Variants in PDIA2 observed in about 807,000 individuals in gnomAD.
PDIA2 encodes the protein protein disulfide isomerase family A member 2.
PDIA2 carries 76 observed loss-of-function variants against 51.1 expected under a neutral mutation model. That is an observed-to-expected ratio of 1.49 (90% confidence interval 1.24 to 1.80). The LOEUF is 1.80. Among genes scored for constraint, PDIA2 ranks in the 40% most tolerant of loss-of-function variants. The pLI, the probability that PDIA2 is intolerant of heterozygous loss-of-function variation, is 0.00. For synonymous variants in PDIA2, 429 were observed against 309.9 expected, an observed-to-expected ratio of 1.38 and a Z score of -4.04; for missense variants, 946 against 706.5, an observed-to-expected ratio of 1.34 and a Z score of -3.84.
rs202228688 is a variant in PDIA2, at chr16:284,497, G to A, written c.310G>A (p.Ala104Thr). ...VVTLAKVDGP[A>T]QRELAEEFGV... ...CACGCTGGCCAAGGTGGATGGGCCCGCGCAGCGCGAGCTGGCTGAGGAGTT... is the reference window on the plus strand; with the variant it reads ...CACGCTGGCCAAGGTGGATGGGCCCACGCAGCGCGAGCTGGCTGAGGAGTT... The change falls in exon 2 of 11, where the codon GCG becomes ACG. Residue 104 changes from alanine to threonine, a missense_variant. Coordinates refer to ENST00000219406, the MANE Select transcript of PDIA2 (RefSeq NM_006849.4). 21 of 1,610,460 alleles carry A rather than the reference G, an allele frequency of 1.3e-5. No individual in the cohort carries two copies. The highest frequency in any genetic ancestry group is 1.6e-4 in the Middle Eastern group (1 of 6,078).
At chr16:286,050 A>G (rs1371728713) in intron 7 of PDIA2, among the ~76,000 whole-genome samples, 2 of 74,394 alleles carry the variant, frequency 2.7e-5, no homozygotes. Flanking sequence ...CCCAACCCCA[A>G]CCTCAACCCC....
intron 1 of PDIA2, 125 bp downstream of exon 1, chr16:283,493 C>T (rs2052313282): frequency 1.4e-5 from 14 of 1,034,840 alleles, no homozygotes; most frequent in Non-Finnish European, 1.8e-5. Context: ...AGGCACTTGC[C>T]CCCACTGTGC....
rs777288966 is a variant in PDIA2 at position 284,430 on chromosome 16, C to T, written c.243C>T (p.Tyr81=). ...CGHCQALAPE[Y]SKAAAVLAAE... is the part of the protein sequence containing the mutation. ...ACTGCCAGGCCCTGGCCCCCGAGTA[C>T]AGCAAGGCAGCTGCCGTGCTCGCGG... The change falls in exon 2 of 11, where the codon TAC becomes TAT. Residue 81 remains tyrosine, a synonymous_variant. Coordinates refer to ENST00000219406, the MANE Select transcript of PDIA2 (RefSeq NM_006849.4). 1.0e-5 allele frequency: 16 copies of T among 1,587,680 alleles called. No individual in the cohort carries two copies. The highest frequency in any genetic ancestry group is 4.6e-5 in the South Asian group (4 of 87,628).
At position 283,476 on chromosome 16, in the gene PDIA2, T is replaced by TCCCCGCAGGCACTTGCCC. The variant is rs1269697601; in HGVS notation, c.199+111_199+128dup. On this transcript the variant is annotated intron_variant, in intron 1 of 10. Coordinates refer to ENST00000219406, the MANE Select transcript of PDIA2 (RefSeq NM_006849.4). ...GCAGGGCATGTGCCCAAGAGGGGCC[T>TCCCCGCAGGCACTTGCCC]CCCCGCAGGCACTTGCCCCCACTGT... The TCCCCGCAGGCACTTGCCC allele has an allele frequency of 9.9e-6, 12 of 1,207,248 alleles. No homozygotes were observed. The African/African-American group carries it at 1.6e-4, about 16-fold the overall frequency. 74.8% of individuals were successfully genotyped at this position (1,207,248 alleles called of 1,614,324 possible).
chr16:287,029 T>A, intron 10 of PDIA2, 40 bp from the exon 11 acceptor site: 2 of 1,612,668 alleles, frequency 1.2e-6, no homozygotes, highest in Non-Finnish European at 1.7e-6. Context: ...AGGGGTAGGC[T>A]GGGAGCAGAG....
chr16:286,974 C>T (rs780948096), intron 10 of PDIA2, 29 bp downstream of exon 10: 4 of 1,609,134 alleles, frequency 2.5e-6, no homozygotes, highest in African/African-American at 1.3e-5. Context: ...GGGCTCCAGG[C>T]CTCTGCACAA....
chr16:287,019 AG>A (rs751856622), intron 10 of PDIA2, 49 bp from the exon 11 acceptor site: 2 of 1,612,452 alleles, frequency 1.2e-6, no homozygotes, highest in East Asian at 2.2e-5. Flanking sequence ...GGGCGGGGGC[AG>A]GGGTAGGCTG....
intron 7 of PDIA2, among the ~76,000 whole-genome samples, chr16:286,021 T>TAA (rs1438554711): frequency 1.7e-5 from 1 of 59,376 alleles, no homozygotes; most frequent in African/African-American, 1.1e-4. Context: ...ACCCCGCGGT[T>TAA]CTCCAACCCC....
At chr16:283,454 G>A in intron 1 of PDIA2, 86 bp downstream of exon 1, 2 of 1,381,052 alleles carry the variant, frequency 1.4e-6, no homozygotes, top group South Asian at 2.9e-5. Flanking sequence ...GGCAAATGCA[G>A]GGCATGTGCC....
intron 6 of PDIA2, 32 bp downstream of exon 6, chr16:285,469 G>GA (rs1567250225): frequency 6.2e-7 from 1 of 1,611,980 alleles, no homozygotes; most frequent in Admixed American, 1.7e-5. Flanking sequence ...GGGGCAGCGG[G>GA]AGAGTGGCCG....
intron 1 of PDIA2, among the ~76,000 whole-genome samples, chr16:283,854 G>T (rs2052317942): frequency 6.6e-6 from 1 of 152,182 alleles, no homozygotes; most frequent in African/African-American, 2.4e-5. Flanking sequence ...AGGCACGAAA[G>T]GGAGGGGTCT....
rs1316332169 is a variant in PDIA2 at position 284,387 on chromosome 16, A to G, written c.200A>G (p.Tyr67Cys). 1.2e-5 allele frequency: 18 copies of G among 1,552,480 alleles called. No individual in the cohort carries two copies. Among genetic ancestry groups the G allele is most frequent in the Non-Finnish European group, 1.5e-5 (17 of 1,155,118 alleles). The change falls in exon 2 of 11, where the codon TAT becomes TGT. Residue 67 changes from tyrosine to cysteine, a missense_variant and splice_region_variant. Transcript: ENST00000219406. Reference protein sequence around the residue: ...REHPALLVEFYAPWCGHCQAL... With the variant: ...REHPALLVEFCAPWCGHCQAL... ...GGGCACTCACGGCCCCATCCCCCAG[A>G]TGCCCCGTGGTGTGGGCACTGCCAG... is the stretch of plus-strand genomic sequence containing the variant.
chr16:284,235 G>A (rs1285192815), intron 1 of PDIA2, 152 bp from the exon 2 acceptor site: 3 of 749,496 alleles, frequency 4.0e-6, no homozygotes, highest in South Asian at 1.7e-5. Context: ...GCAGCCTGGG[G>A]GGCCACGAAG....
intron 3 of PDIA2, 42 bp downstream of exon 3, chr16:284,834 A>T: frequency 6.2e-7 from 1 of 1,603,564 alleles, no homozygotes. Context: ...GAGGGCAGTG[A>T]CTGTGGGTGG....
In PDIA2 at chr16:284,568, C is replaced by CCGCA; in HGVS notation, c.387_390dup (p.Pro131AlafsTer12). On this transcript the variant is annotated frameshift_variant, in exon 2 of 11. Transcript: ENST00000219406. LOFTEE classifies it high-confidence loss of function. Reference sequence around the variant, plus strand: ...CGCTCAAGTTCTTCCGCAATGGGAACCGCACGCACCCGGAGGAGTACACAG... The same window carrying CCGCA: ...CGCTCAAGTTCTTCCGCAATGGGAACCGCACGCACGCACCCGGAGGAGTACACAG... 1 of 1,612,592 alleles carries CCGCA rather than the reference C, an allele frequency of 6.2e-7. No homozygotes were observed. Among genetic ancestry groups the CCGCA allele is most frequent in the African/African-American group, 1.3e-5 (1 of 75,048 alleles).
chr16:285,442 TG>T lies in PDIA2; in HGVS notation c.921+11del. ...GCTCCCCGCTTCCGGGGGCAGGTAC[TG>T]GGGGGCTGGGGGAAAGGGGCAGCGG... On this transcript the variant is annotated splice_donor_region_variant and intron_variant, in intron 6 of 10. Coordinates refer to ENST00000219406, the MANE Select transcript of PDIA2 (RefSeq NM_006849.4). 8.6e-7 allele frequency: 1 copy of T among 1,156,930 alleles called. No individual in the cohort carries two copies. The highest frequency in any genetic ancestry group is 1.2e-6 in the Non-Finnish European group (1 of 831,128). The allele number at this position is 1,156,930 out of a possible 1,614,324, so 71.7% of individuals were successfully genotyped here.
chr16:284,215 T>C, intron 1 of PDIA2, 172 bp from the exon 2 acceptor site: 1 of 679,052 alleles, frequency 1.5e-6, no homozygotes, highest in Non-Finnish European at 2.6e-6. Context: ...GCCTTACTGG[T>C]CCCTGTGCTG....
rs753153134 is a variant in PDIA2, at chr16:286,352, G to C, written c.1120-1G>C. On this transcript the variant is annotated splice_acceptor_variant, in intron 7 of 10. Coordinates refer to ENST00000219406, the MANE Select transcript of PDIA2 (RefSeq NM_006849.4). LOFTEE classifies it high-confidence loss of function. ...AAAGCGCCTGTCCTGGTTTCCCCCAGCCCTATCTCCTGAGCCAGGAGATAC... is the reference window on the plus strand; with the variant it reads ...AAAGCGCCTGTCCTGGTTTCCCCCACCCCTATCTCCTGAGCCAGGAGATAC... 2.2e-5 allele frequency: 32 copies of C among 1,481,746 alleles called. No individual in the cohort carries two copies. The highest frequency in any genetic ancestry group is 2.8e-5 in the Non-Finnish European group (31 of 1,101,208). 91.8% of individuals were successfully genotyped at this position (1,481,746 alleles called of 1,614,324 possible). A position where few individuals can be genotyped will look rare whatever the true frequency, so the allele number is the denominator to read the frequency against.
In PDIA2 at chr16:284,842, T is replaced by C. The variant is rs775411332; in HGVS notation, c.541-36T>C. On this transcript the variant is annotated intron_variant, in intron 3 of 10. Coordinates refer to ENST00000219406, the MANE Select transcript of PDIA2 (RefSeq NM_006849.4). ...GGGCCATGAGGGCAGTGACTGTGGGTGGGACCGGGTGGCCTCACAGGGCCA... is the reference window on the plus strand; with the variant it reads ...GGGCCATGAGGGCAGTGACTGTGGGCGGGACCGGGTGGCCTCACAGGGCCA... 18 of 1,606,676 alleles carry C rather than the reference T, an allele frequency of 1.1e-5. No individual in the cohort carries two copies. In the South Asian group the frequency reaches 2.0e-4, roughly 18 times the overall value.
Sources: gnomAD v4.1 joint callset for allele counts (sites outside exome capture counted in the v4.1 genomes callset) on GRCh38, gnomAD v4.1.1 for gene constraint, MANE v1.5 for transcripts, NCBI Gene and HGNC (gene_info 2026-07-23, HGNC 2026-07-21) for gene names.